CAST: variants seen among roughly 807,000 people sequenced by gnomAD.
The protein encoded by CAST is MIR583 host.
Under a neutral mutation model 119.6 loss-of-function variants are expected in CAST, and 76 were observed. The observed-to-expected ratio is 0.64, with a 90% CI of 0.53 to 0.77. The LOEUF (loss-of-function observed/expected upper bound fraction) is 0.77. Ranked by LOEUF, CAST falls within the 30% of genes least tolerant of loss-of-function variation. The pLI is 0.00. For missense variants in CAST, 953 were observed against 946.5 expected (o/e 1.01, Z -0.09); for synonymous variants, 319 against 331.6 (o/e 0.96, Z 0.41).
the CAST span, among the ~76,000 whole-genome samples, chr5:96,443,117 C>A: frequency 6.6e-6 from 1 of 152,084 alleles, no homozygotes; most frequent in Non-Finnish European, 1.5e-5. Context: ...TTATACATAA[C>A]TTCCCAGGAG....
the CAST span, among the ~76,000 whole-genome samples, chr5:96,189,924 C>G: frequency 6.6e-6 from 1 of 152,140 alleles, no homozygotes; most frequent in Non-Finnish European, 1.5e-5. Context: ...GTCAACTGCT[C>G]TTGTTTTTAT....
chr5:96,226,682 A>G, the CAST span, among the ~76,000 whole-genome samples: 1 of 152,108 alleles, frequency 6.6e-6, no homozygotes, highest in African/African-American at 2.4e-5. Context: ...AAAAAATCAA[A>G]TGTATTTTAA....
the CAST span, among the ~76,000 whole-genome samples, chr5:96,190,401 T>C: frequency 6.6e-6 from 1 of 152,116 alleles, no homozygotes; most frequent in Non-Finnish European, 1.5e-5. Flanking sequence ...CTGTCTTCAC[T>C]CTCCCTGACT....
the CAST span, among the ~76,000 whole-genome samples, chr5:96,491,796 T>TG: frequency 1.5e-4 from 23 of 152,224 alleles, no homozygotes; most frequent in Non-Finnish European, 3.2e-4. Context: ...AATTGTGCTG[T>TG]ATCCCTACAA....
chr5:96,372,774 T>G, the CAST span, among the ~76,000 whole-genome samples: 2 of 152,210 alleles, frequency 1.3e-5, no homozygotes, highest in Non-Finnish European at 2.9e-5. Flanking sequence ...CTTCATCTTC[T>G]GTGACCCTCT....
At chr5:96,015,865 A>C in the CAST span, among the ~76,000 whole-genome samples, 1 of 152,182 alleles carries the variant, frequency 6.6e-6, no homozygotes, top group African/African-American at 2.4e-5. Flanking sequence ...GGGGAACTTC[A>C]TCCAGGCTTG....
chr5:96,663,116 C>G, intron 1 of CAST: 1 of 702,544 alleles, frequency 1.4e-6, no homozygotes, highest in Non-Finnish European at 2.6e-6. Flanking sequence ...CCGTGCGGAT[C>G]GGAGCCAGCC....
chr5:96,434,085 T>C, the CAST span: 1 of 152,114 alleles, frequency 6.6e-6, no homozygotes, highest in Admixed American at 6.6e-5. Flanking sequence ...CCATTGTGCC[T>C]CAGTAGAGCT....
At chr5:96,115,378 G>A in the CAST span, among the ~76,000 whole-genome samples, 1 of 152,172 alleles carries the variant, frequency 6.6e-6, no homozygotes, top group African/African-American at 2.4e-5. Flanking sequence ...AATGATAAAG[G>A]CAAGGTGATT....
chr5:96,511,226 C>G, the CAST span, among the ~76,000 whole-genome samples: 2 of 152,208 alleles, frequency 1.3e-5, no homozygotes, highest in African/African-American at 2.4e-5. Context: ...CTCACTGCAA[C>G]CTCTGCCTCC....
the CAST span, among the ~76,000 whole-genome samples, chr5:96,219,630 C>T: frequency 1.3e-5 from 2 of 151,980 alleles, no homozygotes; most frequent in Non-Finnish European, 2.9e-5. Context: ...ATGTTTGTGC[C>T]ACTGCACTCT....
chr5:96,170,682 G>A, the CAST span, among the ~76,000 whole-genome samples: 4 of 152,282 alleles, frequency 2.6e-5, no homozygotes, highest in African/African-American at 7.2e-5. Context: ...GCTGCCAAAC[G>A]AACCATGAAC....
At chr5:96,264,187 G>T in the CAST span, among the ~76,000 whole-genome samples, 2 of 152,154 alleles carry the variant, frequency 1.3e-5, no homozygotes, top group Non-Finnish European at 2.9e-5. Flanking sequence ...TATGTGGTCT[G>T]TTTGTGCACA....
intron 27 of CAST, 21 bp from the exon 28 acceptor site, chr5:96,767,417 A>G (rs1009528709): frequency 6.2e-7 from 1 of 1,604,360 alleles, no homozygotes; most frequent in Non-Finnish European, 8.5e-7. Context: ...TGCTTAACCA[A>G]TAGTCTGCCT....
the CAST span, among the ~76,000 whole-genome samples, chr5:96,402,932 A>G: frequency 2.0e-5 from 3 of 152,252 alleles, no homozygotes; most frequent in Middle Eastern, 6.8e-3. Context: ...ATTTTATTGA[A>G]ATGCTTGCTT....
chr5:96,728,003 A>C (rs1474219042), intron 6 of CAST, among the ~76,000 whole-genome samples: 1 of 152,148 alleles, frequency 6.6e-6, no homozygotes, highest in Non-Finnish European at 1.5e-5. Flanking sequence ...TGGTGGAGCT[A>C]GTTAACAGTT....
the CAST span, among the ~76,000 whole-genome samples, chr5:96,104,012 T>C: frequency 6.6e-6 from 1 of 152,144 alleles, no homozygotes; most frequent in African/African-American, 2.4e-5. Context: ...TGGTGTGTTT[T>C]TTGGCTGCAT....
intron 1 of CAST, among the ~76,000 whole-genome samples, chr5:96,595,342 C>T (rs1177200176): frequency 6.6e-6 from 1 of 152,174 alleles, no homozygotes; most frequent in Non-Finnish European, 1.5e-5. Flanking sequence ...TAGTCAGTGG[C>T]CTGGGTCCCC....
chr5:96,432,263 C>T, the CAST span: 1 of 751,370 alleles, frequency 1.3e-6, no homozygotes. Flanking sequence ...CCCACCATTT[C>T]TCCCCCCAGC....
Sources: allele counts gnomAD v4.1 joint callset (sites outside exome capture counted in the v4.1 genomes callset), GRCh38; gene constraint gnomAD v4.1.1; transcripts MANE v1.5; gene names NCBI Gene and HGNC (gene_info 2026-07-23, HGNC 2026-07-21).